The following RAB2A variants were observed in gnomAD, a reference collection of about 807,000 sequenced individuals.
RAB2A encodes ras-related protein Rab-2A.
Under a neutral mutation model 32.5 loss-of-function variants are expected in RAB2A, and 7 were observed. The ratio of observed to expected loss-of-function variants is 0.22; its 90% CI spans 0.12 to 0.40. The LOEUF is 0.40. RAB2A is among the 10% of genes least tolerant of loss of function. RAB2A has a pLI of 1.00. For synonymous variants in RAB2A, 79 were observed against 85.2 expected, an observed-to-expected ratio of 0.93 and a Z score of 0.40; for missense variants, 108 against 260.7, an observed-to-expected ratio of 0.41 and a Z score of 4.03.
At chr8:60,620,523 G>A (rs1804510626) in intron 7 of RAB2A, 151 bp from the exon 8 acceptor site, 1 of 628,758 alleles carries the variant, frequency 1.6e-6, no homozygotes. Context: ...TCCCTTAGGA[G>A]ATATTGTTTT....
intron 1 of RAB2A, among the ~76,000 whole-genome samples, chr8:60,521,629 CT>C (rs571548240): frequency 6.6e-6 from 1 of 151,942 alleles, no homozygotes; most frequent in South Asian, 2.1e-4. Flanking sequence ...GCATTTGTTT[CT>C]TTTTTTTGAG....
intron 1 of RAB2A, among the ~76,000 whole-genome samples, chr8:60,537,243 C>CA (rs1291916793): frequency 6.6e-6 from 1 of 151,676 alleles, no homozygotes; most frequent in Non-Finnish European, 1.5e-5. Context: ...TTTTTGGAAA[C>CA]AGAGTTTTGC....
At position 60,608,909 on chromosome 8, in the gene RAB2A, T is replaced by G. The variant is rs553468491; in HGVS notation, c.475-9671T>G. On this transcript the variant is annotated intron_variant, in intron 6 of 7. Coordinates refer to ENST00000262646, the MANE Select transcript of RAB2A (RefSeq NM_002865.3). The stretch of plus-strand genomic sequence containing the variant: ...TTAATACGTATCACTTTTCACCTGT[T>G]ATTGTTTCTGCCTATTAAATATCTC... Among the ~76,000 whole-genome samples, 4 of 152,326 alleles carry G rather than the reference T, an allele frequency of 2.6e-5. No individual in the cohort carries two copies. The East Asian group carries it at 7.7e-4, about 29-fold the overall frequency.
chr8:60,566,915 GC>G (rs1397024167), intron 2 of RAB2A, among the ~76,000 whole-genome samples: 1 of 152,074 alleles, frequency 6.6e-6, no homozygotes, highest in Non-Finnish European at 1.5e-5. Context: ...CTCCATCCCT[GC>G]TGCTGCAAAA....
chr8:60,576,409 A>G lies in RAB2A; in HGVS notation c.186+4296A>G, dbSNP rs557081838. 30 of 387,270 alleles carry G rather than the reference A, an allele frequency of 7.7e-5. No individual in the cohort carries two copies. The East Asian group carries it at 2.3e-3, about 30-fold the overall frequency. The allele number at this position is 387,270 out of a possible 1,614,324, so 24.0% of individuals were successfully genotyped here. A position where few individuals can be genotyped will look rare whatever the true frequency, so the allele number is the denominator to read the frequency against. Reference sequence around the variant, plus strand: ...ATTCCTCTTTCAGTTGCCTTCCAGCATATCCAAATACATTTGATTTCCCAG... The same window carrying G: ...ATTCCTCTTTCAGTTGCCTTCCAGCGTATCCAAATACATTTGATTTCCCAG... On this transcript the variant is annotated intron_variant, in intron 3 of 7. Transcript: ENST00000262646.
chr8:60,558,324 C>T (rs1043361088), intron 1 of RAB2A: 22 of 444,908 alleles, frequency 4.9e-5, no homozygotes, highest in South Asian at 1.6e-4. Flanking sequence ...ATGACCGTAA[C>T]GGGGTCAATT....
At chr8:60,557,711 G>A (rs1297328526) in intron 1 of RAB2A, among the ~76,000 whole-genome samples, 5 of 151,244 alleles carry the variant, frequency 3.3e-5, no homozygotes, top group African/African-American at 1.2e-4. Context: ...AACTACAGAT[G>A]CGCACCACCA....
At chr8:60,558,327 G>C in intron 1 of RAB2A, 1 of 446,916 alleles carries the variant, frequency 2.2e-6, no homozygotes, top group Non-Finnish European at 4.4e-6. Context: ...ACCGTAACGG[G>C]GTCAATTTTA....
At chr8:60,564,573 A>T (rs1313607697) in intron 2 of RAB2A, among the ~76,000 whole-genome samples, 1 of 151,818 alleles carries the variant, frequency 6.6e-6, no homozygotes, top group Non-Finnish European at 1.5e-5. Context: ...CTTACTCAAC[A>T]TCTCCTTCTC....
intron 3 of RAB2A, among the ~76,000 whole-genome samples, chr8:60,580,910 A>G (rs1803738222): frequency 6.6e-6 from 1 of 152,158 alleles, no homozygotes; most frequent in Non-Finnish European, 1.5e-5. Context: ...GTCCCTGGAG[A>G]GATTGGTTTA....
chr8:60,615,652 C>A lies in RAB2A; in HGVS notation c.475-2928C>A, dbSNP rs565589598. On this transcript the variant is annotated intron_variant, in intron 6 of 7. Coordinates refer to ENST00000262646, the MANE Select transcript of RAB2A (RefSeq NM_002865.3). ...TTATCTGTGACACCCAAGGCTCTTA[C>A]CTTAGAACTTTTATTTGACCTCTCA... Among the ~76,000 whole-genome samples, 10 of 152,188 alleles carry A rather than the reference C, an allele frequency of 6.6e-5. No individual in the cohort carries two copies. In the South Asian group the frequency reaches 2.1e-3, roughly 32 times the overall value.
At chr8:60,525,979 C>T (rs914593649) in intron 1 of RAB2A, among the ~76,000 whole-genome samples, 2 of 116,262 alleles carry the variant, frequency 1.7e-5, no homozygotes, top group East Asian at 2.5e-4. Context: ...GTCTATATGT[C>T]TATATGTATA....
intron 1 of RAB2A, among the ~76,000 whole-genome samples, chr8:60,522,516 T>G (rs544925388): frequency 6.6e-6 from 1 of 152,228 alleles, no homozygotes; most frequent in Non-Finnish European, 1.5e-5. Flanking sequence ...CCTCCTACTT[T>G]CTTTTTTAAA....
chr8:60,554,527 C>T (rs1041749871), intron 1 of RAB2A, among the ~76,000 whole-genome samples: 1 of 152,030 alleles, frequency 6.6e-6, no homozygotes, highest in African/African-American at 2.4e-5. Context: ...AATTCGGTTC[C>T]GTAAGTTTGA....
intron 6 of RAB2A, among the ~76,000 whole-genome samples, chr8:60,609,960 C>CAA (rs5891772): frequency 6.6e-4 from 53 of 80,466 alleles, no homozygotes; most frequent in Non-Finnish European, 1.0e-3. Context: ...CCCTGTGTCT[C>CAA]AAAAAAAAAA....
intron 2 of RAB2A, among the ~76,000 whole-genome samples, chr8:60,560,963 T>C (rs1808014048): frequency 6.6e-6 from 1 of 152,336 alleles, no homozygotes. Flanking sequence ...TGTTTGCTAA[T>C]GGCAGGCACT....
intron 1 of RAB2A, chr8:60,552,068 A>G (rs1374761604): frequency 8.2e-5 from 12 of 146,788 alleles, no homozygotes; most frequent in African/African-American, 2.8e-4. Flanking sequence ...CAGTGGCGCA[A>G]TTTCGGCTCA....
chr8:60,593,561 G>A (rs1803974884), intron 6 of RAB2A, among the ~76,000 whole-genome samples: 1 of 152,148 alleles, frequency 6.6e-6, no homozygotes, highest in African/African-American at 2.4e-5. Context: ...AGGCAGTAAT[G>A]AAGTAGCACC....
At chr8:60,525,670 T>C (rs1165275210) in intron 1 of RAB2A, among the ~76,000 whole-genome samples, 1 of 151,924 alleles carries the variant, frequency 6.6e-6, no homozygotes, top group African/African-American at 2.4e-5. Context: ...TAGCTGAGAG[T>C]CACTGTGTTT....
Sources: gnomAD v4.1 joint callset for allele counts (sites outside exome capture counted in the v4.1 genomes callset) on GRCh38, gnomAD v4.1.1 for gene constraint, MANE v1.5 for transcripts, NCBI Gene and HGNC (gene_info 2026-07-23, HGNC 2026-07-21) for gene names.